The following ATXN7L1 variants were observed in gnomAD, a reference collection of about 807,000 sequenced individuals.
The protein encoded by ATXN7L1 is ataxin-7-like protein 1.
Under a neutral mutation model 70.8 loss-of-function variants are expected in ATXN7L1, and 15 were observed. The observed-to-expected ratio is 0.21, with a 90% CI of 0.14 to 0.33. ATXN7L1 has a LOEUF of 0.33. Among genes scored for constraint, ATXN7L1 ranks in the 10% least tolerant of loss-of-function variants. The pLI, the probability that ATXN7L1 is intolerant of heterozygous loss-of-function variation, is 1.00. For missense variants in ATXN7L1, 975 were observed against 1,097.1 expected (o/e 0.89, Z 1.57); for synonymous variants, 440 against 445.1 (o/e 0.99, Z 0.14).
At chr7:105,695,735 G>T (rs1450181784) in intron 3 of ATXN7L1, among the ~76,000 whole-genome samples, 1 of 152,190 alleles carries the variant, frequency 6.6e-6, no homozygotes, top group African/African-American at 2.4e-5. Context: ...TGCAACAGAG[G>T]TCACTGAAAA....
chr7:105,714,267 TG>T (rs1455830967), intron 3 of ATXN7L1, among the ~76,000 whole-genome samples: 4 of 152,204 alleles, frequency 2.6e-5, no homozygotes, highest in African/African-American at 9.6e-5. Context: ...ACTAGGGCAG[TG>T]TTATTCCAGA....
chr7:105,754,606 T>A (rs1436883283), intron 3 of ATXN7L1, among the ~76,000 whole-genome samples: 1 of 152,150 alleles, frequency 6.6e-6, no homozygotes, highest in Non-Finnish European at 1.5e-5. Flanking sequence ...ACTATAGGCA[T>A]AAGCCACTGC....
intron 3 of ATXN7L1, among the ~76,000 whole-genome samples, chr7:105,778,465 C>T (rs2116457316): frequency 7.5e-6 from 1 of 133,862 alleles, no homozygotes; most frequent in Admixed American, 8.5e-5. Context: ...GGGCAGTGAT[C>T]ATGCCACTGC....
chr7:105,838,183 C>A (rs1182631384), intron 2 of ATXN7L1, among the ~76,000 whole-genome samples: 2 of 152,302 alleles, frequency 1.3e-5, no homozygotes, highest in East Asian at 3.9e-4. Flanking sequence ...CGACACAGGC[C>A]TCCCAGCTGT....
At chr7:105,692,107 AGACGTCAT>A (rs1432989287) in intron 3 of ATXN7L1, among the ~76,000 whole-genome samples, 1 of 152,142 alleles carries the variant, frequency 6.6e-6, no homozygotes, top group African/African-American at 2.4e-5. Context: ...GCTGAAGGAC[AGACGTCAT>A]GCTACTTTAT....
At chr7:105,849,840 G>C (rs1226742443) in intron 2 of ATXN7L1, among the ~76,000 whole-genome samples, 3 of 152,222 alleles carry the variant, frequency 2.0e-5, no homozygotes, top group Non-Finnish European at 2.9e-5. Flanking sequence ...GAGTTGCCCT[G>C]ATGGGCTGGC....
chr7:105,792,023 C>T (rs575063507), intron 2 of ATXN7L1, among the ~76,000 whole-genome samples: 18 of 152,290 alleles, frequency 1.2e-4, no homozygotes, highest in African/African-American at 3.8e-4. Context: ...GGTGACCTGT[C>T]GAGGCCTGTC....
At chr7:105,713,024 GAGGC>G (rs1355341442) in intron 3 of ATXN7L1, among the ~76,000 whole-genome samples, 1 of 152,178 alleles carries the variant, frequency 6.6e-6, no homozygotes, top group African/African-American at 2.4e-5. Flanking sequence ...GCGTGACTGG[GAGGC>G]CTCAGAAAAT....
At chr7:105,679,936 C>A (rs554798543) in intron 3 of ATXN7L1, among the ~76,000 whole-genome samples, 1 of 151,716 alleles carries the variant, frequency 6.6e-6, no homozygotes, top group Non-Finnish European at 1.5e-5. Flanking sequence ...AAAAAAAAAA[C>A]AGTGGCAAAG....
intron 7 of ATXN7L1, among the ~76,000 whole-genome samples, chr7:105,633,312 C>T (rs1014519102): frequency 2.0e-5 from 3 of 152,194 alleles, no homozygotes; most frequent in East Asian, 3.8e-4. Flanking sequence ...AGGAAACAGG[C>T]GCTTGAACAC....
chr7:105,755,219 G>GA (rs143955904), intron 3 of ATXN7L1, among the ~76,000 whole-genome samples: 41,190 of 151,824 alleles, frequency 0.27, 6,520 homozygotes, highest in African/African-American at 0.44. Context: ...ATTTAACAGG[G>GA]AAAAAAACCT....
At position 105,614,137 on chromosome 7, in the gene ATXN7L1, C is replaced by T. The variant is rs1206044373; in HGVS notation, c.2197G>A (p.Val733Met). The T allele has an allele frequency of 1.3e-6, 2 of 1,551,662 alleles. No individual in the cohort carries two copies. The highest frequency in any genetic ancestry group is 1.7e-6 in the Non-Finnish European group (2 of 1,146,964). The change falls in exon 10 of 12, where the codon GTG becomes ATG. Residue 733 changes from valine to methionine, a missense_variant. Physicochemically the swap from Val to Met is conservative, Grantham distance 21 (BLOSUM62 1). Coordinates refer to ENST00000419735, the MANE Select transcript of ATXN7L1 (RefSeq NM_020725.2). This position sits in a 1 kb window ranked among gnomAD's most constrained non-coding sequence, Gnocchi z 4.3. Reference sequence around the variant, plus strand: ...TCACTGCTGCCTCCCACCGCGCCCACCTGTCTCACTATGTCCGCGGGGCCG... The same window carrying T: ...TCACTGCTGCCTCCCACCGCGCCCATCTGTCTCACTATGTCCGCGGGGCCG... ...PGGPADIVRQ[V>M]GAVGGSSDSC...
chr7:105,793,639 G>A (rs921142795), intron 2 of ATXN7L1, among the ~76,000 whole-genome samples: 2 of 152,180 alleles, frequency 1.3e-5, no homozygotes, highest in African/African-American at 4.8e-5. Context: ...GAAAACATGT[G>A]CCCAATGAAG....
chr7:105,621,718 C>G (rs1023971445), intron 8 of ATXN7L1, among the ~76,000 whole-genome samples: 3 of 152,292 alleles, frequency 2.0e-5, no homozygotes, highest in African/African-American at 7.2e-5. Context: ...GACTCTATAA[C>G]TCAAAAGCAG....
At chr7:105,663,818 C>T (rs191149096) in intron 4 of ATXN7L1, among the ~76,000 whole-genome samples, 6 of 151,986 alleles carry the variant, frequency 3.9e-5, no homozygotes, top group Admixed American at 1.3e-4. Context: ...CAGGCTGGAG[C>T]GCAGTGGCAC....
chr7:105,622,184 C>G (rs1409347789), intron 8 of ATXN7L1, among the ~76,000 whole-genome samples: 1 of 152,250 alleles, frequency 6.6e-6, no homozygotes, highest in East Asian at 1.9e-4. Flanking sequence ...AGACACAAAT[C>G]TGTGGCCTTT....
At chr7:105,801,906 T>G (rs1412844035) in intron 2 of ATXN7L1, among the ~76,000 whole-genome samples, 1 of 152,210 alleles carries the variant, frequency 6.6e-6, no homozygotes, top group Non-Finnish European at 1.5e-5. Flanking sequence ...GGCACACCAC[T>G]GGTTCTCATT....
intron 2 of ATXN7L1, among the ~76,000 whole-genome samples, chr7:105,871,255 A>C (rs1030785158): frequency 2.0e-5 from 3 of 152,106 alleles, no homozygotes; most frequent in African/African-American, 7.2e-5. Context: ...AGGCCAAGAG[A>C]AGTGAAACGA....
intron 3 of ATXN7L1, chr7:105,760,867 A>G (rs1800444514): frequency 6.3e-6 from 1 of 157,492 alleles, no homozygotes; most frequent in South Asian, 2.0e-4. Flanking sequence ...AATGTGCTGA[A>G]ATTTTGAAGG....
Sources: gnomAD v4.1 joint callset for allele counts (sites outside exome capture counted in the v4.1 genomes callset) on GRCh38, gnomAD v4.1.1 for gene constraint, Gnocchi (gnomAD v3.1) non-coding constraint, MANE v1.5 for transcripts, NCBI Gene and HGNC (gene_info 2026-07-23, HGNC 2026-07-21) for gene names.